The following SCFD2 variants were observed in gnomAD, a reference collection of about 807,000 sequenced individuals.
The protein encoded by SCFD2 is sec1 family domain-containing protein 2.
In SCFD2, 54 loss-of-function variants were observed where a neutral mutation model predicts 58.9. The observed-to-expected ratio is 0.92, with a 90% CI of 0.74 to 1.15. SCFD2 has a LOEUF of 1.15. Among genes scored for constraint, SCFD2 ranks in the 50% most tolerant of loss-of-function variants. SCFD2 has a pLI of 0.00. For synonymous variants in SCFD2, 321 were observed against 335.9 expected (o/e 0.96, Z 0.49); for missense variants, 805 against 836.6 (o/e 0.96, Z 0.47).
At chr4:53,123,262 C>A (rs59033313) in intron 5 of SCFD2, among the ~76,000 whole-genome samples, 1,829 of 152,288 alleles carry the variant, frequency 0.012, 44 homozygotes, top group African/African-American at 0.042. Flanking sequence ...GCAAGATTTG[C>A]AAACACTTGA....
intron 4 of SCFD2, among the ~76,000 whole-genome samples, chr4:53,208,572 C>T (rs1369891113): frequency 6.6e-6 from 1 of 152,166 alleles, no homozygotes; most frequent in Non-Finnish European, 1.5e-5. Context: ...AGCTGGTGTG[C>T]ATACCCAATC....
chr4:53,004,890 C>A (rs1324536665), intron 5 of SCFD2, among the ~76,000 whole-genome samples: 1 of 152,058 alleles, frequency 6.6e-6, no homozygotes, highest in Admixed American at 6.6e-5. Flanking sequence ...TCAGGACAGA[C>A]AGAAATTTCT....
intron 5 of SCFD2, among the ~76,000 whole-genome samples, chr4:52,986,242 T>A (rs1721490057): frequency 6.7e-6 from 1 of 149,258 alleles, no homozygotes; most frequent in African/African-American, 2.5e-5. Flanking sequence ...TTTTTTTTAA[T>A]AGTCATCGAG....
intron 2 of SCFD2, among the ~76,000 whole-genome samples, chr4:53,328,954 T>A (rs1733317828): frequency 1.3e-5 from 2 of 152,098 alleles, no homozygotes; most frequent in Non-Finnish European, 2.9e-5. Context: ...GGTCAGGGAG[T>A]TCCCTTTCCG....
chr4:53,327,149 GA>G (rs1027508531), intron 2 of SCFD2, among the ~76,000 whole-genome samples: 9 of 152,134 alleles, frequency 5.9e-5, no homozygotes, highest in Admixed American at 1.3e-4. Context: ...CGGAGCCTGA[GA>G]GGGGTGAGCG....
chr4:53,238,614 G>A (rs1223928123), intron 4 of SCFD2, among the ~76,000 whole-genome samples: 1 of 151,646 alleles, frequency 6.6e-6, no homozygotes, highest in Non-Finnish European at 1.5e-5. Flanking sequence ...CGGGGCGGCT[G>A]CCAGGCGGAG....
intron 4 of SCFD2, among the ~76,000 whole-genome samples, chr4:53,263,786 T>C (rs1439376723): frequency 1.3e-5 from 2 of 152,204 alleles, no homozygotes; most frequent in African/African-American, 4.8e-5. Context: ...TATAGGAGGA[T>C]GCAAACTTGC....
At chr4:52,957,403 C>T (rs1469654021) in intron 5 of SCFD2, 4 of 152,118 alleles carry the variant, frequency 2.6e-5, no homozygotes, top group Admixed American at 6.6e-5. Flanking sequence ...GGGATAGGAG[C>T]GGTATGTGGC....
chr4:53,229,388 A>C (rs910126158), intron 4 of SCFD2, among the ~76,000 whole-genome samples: 11 of 152,354 alleles, frequency 7.2e-5, no homozygotes, highest in South Asian at 4.1e-4. Flanking sequence ...AGGCTACAGT[A>C]ACCAAAACAG....
chr4:53,168,085 T>C (rs1381105157), intron 4 of SCFD2, among the ~76,000 whole-genome samples: 2 of 152,044 alleles, frequency 1.3e-5, no homozygotes, highest in Non-Finnish European at 2.9e-5. Flanking sequence ...GCCAAATAAG[T>C]AAAACAAAAA....
At chr4:53,130,275 T>C (rs1376453058) in intron 5 of SCFD2, among the ~76,000 whole-genome samples, 1 of 152,204 alleles carries the variant, frequency 6.6e-6, no homozygotes, top group Non-Finnish European at 1.5e-5. Flanking sequence ...GGAAATTCCA[T>C]ACAATTATTG....
chr4:53,354,230 G>A lies in SCFD2; in HGVS notation c.839-1464C>T, dbSNP rs188834339. 3.9e-4 allele frequency among the ~76,000 whole-genome samples: 59 copies of A among 152,372 alleles called. No individual in the cohort carries two copies. In the East Asian group the frequency reaches 8.5e-3, roughly 22 times the overall value. ...GGCTGCAGGTACCAAGCCCTGCCCC[G>A]CGGGGAGGTGGCTGAGGCCTGGCGA... On this transcript the variant is annotated intron_variant, in intron 1 of 8. Transcript: ENST00000401642.
Position 52,909,159 on chromosome 4 carries a change from A to G in SCFD2, c.1708-1568T>C, listed in dbSNP as rs1458132131. On this transcript the variant is annotated intron_variant, in intron 6 of 8. Transcript: ENST00000401642. Reference sequence around the variant, plus strand: ...TGCAGAGAGCAATTCGGTAATACCTATCAATATTACAGATGCATTCAACAT... The same window carrying G: ...TGCAGAGAGCAATTCGGTAATACCTGTCAATATTACAGATGCATTCAACAT... Among the ~76,000 whole-genome samples, 3 of 152,170 alleles carry G rather than the reference A, an allele frequency of 2.0e-5. No homozygotes were observed. In the East Asian group the frequency reaches 5.8e-4, roughly 29 times the overall value.
intron 5 of SCFD2, among the ~76,000 whole-genome samples, chr4:53,082,475 C>A (rs1392588218): frequency 6.6e-6 from 1 of 152,074 alleles, no homozygotes. Context: ...TCTTTTCATG[C>A]ACCTACTGGT....
At chr4:53,175,896 T>A (rs1727313731) in intron 4 of SCFD2, among the ~76,000 whole-genome samples, 1 of 152,188 alleles carries the variant, frequency 6.6e-6, no homozygotes, top group Non-Finnish European at 1.5e-5. Context: ...ATCTTCCTAG[T>A]CCCTGACTTC....
At chr4:52,946,928 G>A in intron 5 of SCFD2, among the ~76,000 whole-genome samples, 1 of 152,130 alleles carries the variant, frequency 6.6e-6, no homozygotes, top group East Asian at 1.9e-4. Context: ...AGGCTCGATG[G>A]CACTGTCCTA....
At chr4:53,108,679 T>C (rs1388534672) in intron 5 of SCFD2, among the ~76,000 whole-genome samples, 1 of 152,210 alleles carries the variant, frequency 6.6e-6, no homozygotes, top group East Asian at 1.9e-4. Context: ...ATAAGTTTAA[T>C]TCCTGACTAG....
chr4:52,884,717 T>C (rs147991152), intron 8 of SCFD2, among the ~76,000 whole-genome samples: 5 of 152,252 alleles, frequency 3.3e-5, no homozygotes, highest in Admixed American at 6.5e-5. Context: ...AGGCTGTGCA[T>C]CCCCAGTCAC....
intron 4 of SCFD2, among the ~76,000 whole-genome samples, chr4:53,199,006 G>C (rs1728145858): frequency 6.6e-6 from 1 of 152,056 alleles, no homozygotes; most frequent in Admixed American, 6.6e-5. Context: ...ACATCTGTTT[G>C]AAATGCTGGG....
Sources: gnomAD v4.1 joint callset for allele counts (sites outside exome capture counted in the v4.1 genomes callset) on GRCh38, gnomAD v4.1.1 for gene constraint, MANE v1.5 for transcripts, NCBI Gene and HGNC (gene_info 2026-07-23, HGNC 2026-07-21) for gene names.